Variants in GFRA1 observed in about 807,000 individuals in gnomAD.
GFRA1 encodes GDNF family receptor alpha 1, also known as GDNF family receptor alpha-1.
In GFRA1, 16 loss-of-function variants were observed where a neutral mutation model predicts 51.6. The ratio of observed to expected loss-of-function variants is 0.31; its 90% CI spans 0.21 to 0.47. The LOEUF is 0.47. Ranked by LOEUF, GFRA1 falls within the 20% of genes least tolerant of loss-of-function variation. The probability of loss-of-function intolerance (pLI) is 1.00; values close to 1 mark genes in which losing one functional copy is unlikely to be tolerated. For synonymous variants in GFRA1, 270 were observed against 241.3 expected, an observed-to-expected ratio of 1.12 and a Z score of -1.10; for missense variants, 530 against 594.3, an observed-to-expected ratio of 0.89 and a Z score of 1.13.
intron 9 of GFRA1, among the ~76,000 whole-genome samples, chr10:116,081,646 C>A (rs1186709188): frequency 6.6e-6 from 1 of 152,086 alleles, no homozygotes; most frequent in Non-Finnish European, 1.5e-5. Context: ...AGGGGAGGCA[C>A]TGCGTATGCA....
chr10:116,091,563 C>T (rs536474196), intron 8 of GFRA1, among the ~76,000 whole-genome samples: 1 of 152,188 alleles, frequency 6.6e-6, no homozygotes, highest in Non-Finnish European at 1.5e-5. Context: ...TTTGTCTCTT[C>T]CCCATGCATC....
intron 5 of GFRA1, among the ~76,000 whole-genome samples, chr10:116,145,265 G>A (rs1466483840): frequency 1.3e-5 from 2 of 149,864 alleles, no homozygotes; most frequent in African/African-American, 4.9e-5. Context: ...GACTCACAAA[G>A]TGACAAAATA....
At chr10:116,216,011 G>T (rs543506616) in intron 4 of GFRA1, among the ~76,000 whole-genome samples, 38 of 152,210 alleles carry the variant, frequency 2.5e-4, no homozygotes, top group African/African-American at 8.4e-4. Context: ...TCTTAGCCCT[G>T]CTGTCCAATT....
chr10:116,161,814 T>C (rs1959834374), intron 5 of GFRA1, among the ~76,000 whole-genome samples: 1 of 152,366 alleles, frequency 6.6e-6, no homozygotes. Flanking sequence ...GTCTTGGCTA[T>C]GTTTTATTAG....
chr10:116,117,788 G>T (rs1957488663), intron 6 of GFRA1, among the ~76,000 whole-genome samples: 1 of 152,140 alleles, frequency 6.6e-6, no homozygotes, highest in African/African-American at 2.4e-5. Context: ...AATGGGCGGA[G>T]AAACAGATGG....
chr10:116,167,342 C>T (rs528934944), intron 5 of GFRA1, among the ~76,000 whole-genome samples: 3 of 152,184 alleles, frequency 2.0e-5, no homozygotes, highest in Admixed American at 1.3e-4. Context: ...TCCCTTTGCC[C>T]CTCCGTATTT....
chr10:116,097,260 T>C lies in GFRA1; in HGVS notation c.771-496A>G, dbSNP rs1209102540. ...GCTTTAAGAATGTGTGTTTCTGTCT[T>C]GTAAGTCACCTCTCATCCACCAGCC... On this transcript the variant is annotated intron_variant, in intron 6 of 10. Transcript: ENST00000355422. Among the ~76,000 whole-genome samples the C allele has an allele frequency of 2.0e-5, 3 of 152,314 alleles. No individual in the cohort carries two copies. In the East Asian group the frequency reaches 5.8e-4, roughly 29 times the overall value.
intron 6 of GFRA1, among the ~76,000 whole-genome samples, chr10:116,104,710 G>A (rs991031287): frequency 2.6e-5 from 4 of 152,134 alleles, no homozygotes; most frequent in Non-Finnish European, 4.4e-5. Flanking sequence ...CATCCCTCCC[G>A]AAGCCACCTT....
chr10:116,079,735 G>A (rs964158664), intron 9 of GFRA1, among the ~76,000 whole-genome samples: 1 of 152,146 alleles, frequency 6.6e-6, no homozygotes, highest in African/African-American at 2.4e-5. Context: ...TGTCGAGGAA[G>A]CCTGGCCTGG....
intron 5 of GFRA1, among the ~76,000 whole-genome samples, chr10:116,194,597 C>A (rs769940860): frequency 6.6e-6 from 1 of 152,084 alleles, no homozygotes; most frequent in South Asian, 2.1e-4. Context: ...CTGTGGATTA[C>A]CAATGTTCAA....
At position 116,176,198 on chromosome 10, in the gene GFRA1, C is replaced by T. The variant is rs533411161; in HGVS notation, c.433+35433G>A. On this transcript the variant is annotated intron_variant, in intron 5 of 10. Transcript: ENST00000355422. ...TTACTAAGAGCCTACTACGTGTCGG[C>T]GCTCTGAAAAAAGTATGTGACATGT... Among the ~76,000 whole-genome samples, 13 of 152,252 alleles carry T rather than the reference C, an allele frequency of 8.5e-5. No individual in the cohort carries two copies. The South Asian group carries it at 2.3e-3, about 27-fold the overall frequency.
intron 3 of GFRA1, among the ~76,000 whole-genome samples, chr10:116,269,934 C>T (rs978262558): frequency 6.6e-6 from 1 of 152,070 alleles, no homozygotes; most frequent in African/African-American, 2.4e-5. Context: ...AAAGGTGACC[C>T]AGGAAAGACC....
In GFRA1 at chr10:116,165,665, T is replaced by TCACACACACACACA. The variant is rs56684075; in HGVS notation, c.434-40122_434-40109dup. Among the ~76,000 whole-genome samples, 488 of 149,548 alleles carry TCACACACACACACA rather than the reference T, an allele frequency of 3.3e-3. 4 individuals carry two copies. Among genetic ancestry groups the TCACACACACACACA allele is most frequent in the African/African-American group, 0.011 (434 of 40,308 alleles). On this transcript the variant is annotated intron_variant, in intron 5 of 10. Coordinates refer to ENST00000355422, the MANE Select transcript of GFRA1 (RefSeq NM_005264.8). The stretch of plus-strand genomic sequence containing the variant: ...CTTTCATGTGCTCTTTCTCTCACTC[T>TCACACACACACACA]CACACACACACACACACACACACTC...
intron 4 of GFRA1, among the ~76,000 whole-genome samples, chr10:116,260,910 A>T (rs1026762592): frequency 4.6e-5 from 7 of 152,138 alleles, no homozygotes; most frequent in Non-Finnish European, 8.8e-5. Flanking sequence ...GATTATCTTT[A>T]AAAAAAATCT....
chr10:116,158,976 C>T (rs987672901), intron 5 of GFRA1, among the ~76,000 whole-genome samples: 5 of 152,354 alleles, frequency 3.3e-5, no homozygotes, highest in Middle Eastern at 3.4e-3. Flanking sequence ...GCATCCCATC[C>T]TCCGCAGCAA....
At chr10:116,099,928 T>C (rs934898042) in intron 6 of GFRA1, among the ~76,000 whole-genome samples, 3 of 152,240 alleles carry the variant, frequency 2.0e-5, no homozygotes, top group Non-Finnish European at 4.4e-5. Flanking sequence ...GTTATTGTTA[T>C]TTTATTATCC....
chr10:116,096,546 A>G, intron 7 of GFRA1, 109 bp downstream of exon 7: 3 of 716,034 alleles, frequency 4.2e-6, no homozygotes, highest in Admixed American at 4.0e-5. Flanking sequence ...CCCAGCCCAG[A>G]GGTTACTGTG....
intron 5 of GFRA1, among the ~76,000 whole-genome samples, chr10:116,168,934 T>C (rs1461631077): frequency 6.6e-6 from 1 of 152,232 alleles, no homozygotes; most frequent in East Asian, 1.9e-4. Context: ...TAATAGCTTC[T>C]CTTTGAAAAC....
At chr10:116,255,854 G>A (rs747052018) in intron 4 of GFRA1, 1 of 552,598 alleles carries the variant, frequency 1.8e-6, no homozygotes, top group Non-Finnish European at 2.3e-6. Context: ...GTGTAGAGTA[G>A]AAAATCAGTG....
Sources: gnomAD v4.1 joint callset for allele counts (sites outside exome capture counted in the v4.1 genomes callset) on GRCh38, gnomAD v4.1.1 for gene constraint, MANE v1.5 for transcripts, NCBI Gene and HGNC (gene_info 2026-07-23, HGNC 2026-07-21) for gene names.